The following MATN2 variants were observed in gnomAD, a reference collection of about 807,000 sequenced individuals.
The protein encoded by MATN2 is matrilin 2, also known as matrilin-2.
A neutral mutation model predicts 103.2 loss-of-function variants in MATN2; 69 were observed. That is an observed-to-expected ratio of 0.67 (90% CI 0.55 to 0.82). MATN2 has a LOEUF of 0.82. MATN2 is among the 40% of genes least tolerant of loss of function. The probability of loss-of-function intolerance (pLI) is 0.00; values close to 1 mark genes in which losing one functional copy is unlikely to be tolerated. For missense variants in MATN2, 1,023 were observed against 1,211.5 expected (o/e 0.84, Z 2.31); for synonymous variants, 429 against 450.2 (o/e 0.95, Z 0.60).
At chr8:97,886,707 C>G (rs533738167) in intron 1 of MATN2, among the ~76,000 whole-genome samples, 1 of 152,184 alleles carries the variant, frequency 6.6e-6, no homozygotes, top group African/African-American at 2.4e-5. Flanking sequence ...GCTGAACAAA[C>G]AGTTCGCTGA....
intron 5 of MATN2, among the ~76,000 whole-genome samples, chr8:97,972,131 G>A (rs371602387): frequency 4.0e-5 from 6 of 151,412 alleles, no homozygotes; most frequent in African/African-American, 1.2e-4. Context: ...AAGGAGATAT[G>A]TGCCACCACC....
intron 2 of MATN2, among the ~76,000 whole-genome samples, chr8:97,890,599 C>T (rs1818596589): frequency 6.6e-6 from 1 of 151,908 alleles, no homozygotes; most frequent in Non-Finnish European, 1.5e-5. Flanking sequence ...AATGGAAAAG[C>T]ATGCTCATTG....
rs900840226 is a variant in MATN2 at position 98,030,519 on chromosome 8, T to C, written c.2414T>C (p.Ile805Thr). The C allele has an allele frequency of 5.0e-6, 8 of 1,613,742 alleles. No individual in the cohort carries two copies. Among genetic ancestry groups the C allele is most frequent in the Admixed American group, 1.7e-5 (1 of 59,994 alleles). ...GKAIEEELQE[I>T]ASEPTNKHLF... ...GCCATTGAGGAGGAACTACAAGAGATTGCCTCTGAGCCCACAAACAAGCAT... is the reference window on the plus strand; with the variant it reads ...GCCATTGAGGAGGAACTACAAGAGACTGCCTCTGAGCCCACAAACAAGCAT... The change falls in exon 15 of 19, where the codon ATT (isoleucine) becomes ACT (threonine). Residue 805 changes from isoleucine to threonine, a missense_variant. Physicochemically the swap from Ile to Thr is moderately conservative, Grantham distance 89. Transcript: ENST00000254898.
rs540336108 is a variant in MATN2 at position 98,005,502 on chromosome 8, A to T, written c.1328-1603A>T. On this transcript the variant is annotated intron_variant, in intron 8 of 18. Transcript: ENST00000254898. This position sits in a 1 kb window ranked among gnomAD's most constrained non-coding sequence, Gnocchi z 4.6. ...ACATGGCTTGACTGCCCCTCCCAGC[A>T]TGCTTCCGGGGGCCAGAAGAGCTCT... Among the ~76,000 whole-genome samples the T allele has an allele frequency of 3.3e-5, 5 of 152,248 alleles. No homozygotes were observed. In the East Asian group the frequency reaches 9.7e-4, roughly 29 times the overall value.
intron 3 of MATN2, among the ~76,000 whole-genome samples, chr8:97,938,385 G>C (rs991513349): frequency 6.6e-6 from 1 of 152,220 alleles, no homozygotes; most frequent in Non-Finnish European, 1.5e-5. Context: ...TTGAGGGGAT[G>C]GGAATCGTTA....
intron 5 of MATN2, among the ~76,000 whole-genome samples, chr8:97,973,161 G>T (rs935633289): frequency 1.3e-5 from 2 of 152,158 alleles, no homozygotes; most frequent in African/African-American, 4.8e-5. Context: ...CTCATCTGCC[G>T]TCTCCAGAAG....
Position 98,020,964 on chromosome 8 carries a change from T to TAGTA in MATN2, c.1820-237_1820-234dup, listed in dbSNP as rs1336866374. ...AGCTAAAGCACATCTAATAATAGGA[T>TAGTA]AGTAAGTCAAGGACACCTAATCACC... On this transcript the variant is annotated intron_variant, in intron 12 of 18. Coordinates refer to ENST00000254898, the MANE Select transcript of MATN2 (RefSeq NM_002380.5). 4 of 356,004 alleles carry TAGTA rather than the reference T, an allele frequency of 1.1e-5. No homozygotes were observed. In the East Asian group the frequency reaches 2.3e-4, roughly 21 times the overall value. The allele number at this position is 356,004 out of a possible 1,614,324, so 22.1% of individuals were successfully genotyped here.
intron 5 of MATN2, among the ~76,000 whole-genome samples, chr8:97,970,186 G>A (rs932145716): frequency 2.0e-5 from 3 of 152,312 alleles, no homozygotes; most frequent in Middle Eastern, 6.8e-3. Context: ...CACGTTAAGG[G>A]GAGGTTTATG....
intron 5 of MATN2, among the ~76,000 whole-genome samples, chr8:97,968,638 G>A (rs1586103892): frequency 6.6e-6 from 1 of 152,176 alleles, no homozygotes; most frequent in Non-Finnish European, 1.5e-5. Flanking sequence ...CATAGAATTG[G>A]TGACCTTTAC....
chr8:97,882,822 T>C (rs1177190958), intron 1 of MATN2, among the ~76,000 whole-genome samples: 1 of 152,224 alleles, frequency 6.6e-6, no homozygotes, highest in African/African-American at 2.4e-5. Flanking sequence ...TTCAATTTTA[T>C]CTATTCCAGC....
At position 97,931,249 on chromosome 8, in the gene MATN2, G is replaced by A. The variant is rs771553300; in HGVS notation, c.439G>A (p.Ala147Thr). ...GLAIQYALNI[A>T]FSEAEGARPL... ...GGCCATCCAGTATGCCCTGAACATC[G>A]CATTCTCAGAAGCAGAGGGGGCCCG... The change falls in exon 3 of 19, where the codon GCA becomes ACA. Residue 147 changes from alanine to threonine, a missense_variant. Physicochemically the swap from Ala to Thr is moderately conservative, Grantham distance 58. Transcript: ENST00000254898. This position sits in a 1 kb window ranked among gnomAD's most constrained non-coding sequence, Gnocchi z 4.1. 7.2e-5 allele frequency: 116 copies of A among 1,613,724 alleles called. No homozygotes were observed. Among genetic ancestry groups the A allele is most frequent in the Middle Eastern group, 1.6e-4 (1 of 6,084 alleles).
chr8:97,916,306 G>A (rs894984053), intron 2 of MATN2, among the ~76,000 whole-genome samples: 4 of 152,144 alleles, frequency 2.6e-5, no homozygotes, highest in Admixed American at 6.6e-5. Context: ...CTGGCCTCAC[G>A]TGATCTGCCC....
intron 2 of MATN2, among the ~76,000 whole-genome samples, chr8:97,893,092 G>T (rs1358081968): frequency 6.6e-6 from 1 of 152,186 alleles, no homozygotes; most frequent in African/African-American, 2.4e-5. Context: ...GCTTTAAGCA[G>T]TCAACAGTGG....
At chr8:97,928,312 C>T (rs1290140586) in intron 2 of MATN2, among the ~76,000 whole-genome samples, 5 of 149,894 alleles carry the variant, frequency 3.3e-5, no homozygotes, top group East Asian at 2.0e-4. Context: ...CTGCAACCTC[C>T]GCCTCCTGGG....
intron 2 of MATN2, among the ~76,000 whole-genome samples, chr8:97,928,113 C>A (rs1810052668): frequency 6.6e-6 from 1 of 152,148 alleles, no homozygotes; most frequent in Non-Finnish European, 1.5e-5. Flanking sequence ...AATGCTCCCC[C>A]TTGTCCTCCT....
chr8:97,972,321 A>C (rs7018411), intron 5 of MATN2, among the ~76,000 whole-genome samples: 17,586 of 145,914 alleles, frequency 0.12, 1,188 homozygotes, highest in Admixed American at 0.22. Flanking sequence ...CCTGGGCGAC[A>C]GAATGAGACC....
chr8:97,941,793 C>T lies in MATN2; in HGVS notation c.729C>T (p.Ser243=), dbSNP rs1312140432. ...QKKLCTAHMC[S]TLEHNCAHFC... ...CCCTTTCAGCGGCCCATATGTGCAG[C>T]ACCCTGGAGCATAACTGTGCCCACT... The change falls in exon 4 of 19, where the codon AGC becomes AGT. Residue 243 remains serine, a synonymous_variant. Coordinates refer to ENST00000254898, the MANE Select transcript of MATN2 (RefSeq NM_002380.5). The T allele has an allele frequency of 6.2e-7, 1 of 1,601,954 alleles. No individual in the cohort carries two copies. The highest frequency in any genetic ancestry group is 8.5e-7 in the Non-Finnish European group (1 of 1,174,256).
chr8:97,995,907 C>A (rs2130359291), intron 7 of MATN2, among the ~76,000 whole-genome samples: 1 of 152,240 alleles, frequency 6.6e-6, no homozygotes, highest in South Asian at 2.1e-4. Context: ...AATGTGAAAA[C>A]AATTAGATAA....
chr8:98,030,536 A>G lies in MATN2; in HGVS notation c.2431A>G (p.Asn811Asp). The stretch of plus-strand genomic sequence containing the variant: ...ACAAGAGATTGCCTCTGAGCCCACA[A>G]ACAAGCATCTCTTCTATGCCGAAGA... The part of the protein sequence containing the change: ...ELQEIASEPT[N>D]KHLFYAEDFS... The change falls in exon 15 of 19, where the codon AAC becomes GAC. Residue 811 changes from asparagine (N) to aspartate (D), a missense_variant. By Grantham distance (23) the Asn-to-Asp change is conservative. Coordinates refer to ENST00000254898, the MANE Select transcript of MATN2 (RefSeq NM_002380.5). The G allele has an allele frequency of 6.2e-7, 1 of 1,613,992 alleles. No homozygotes were observed. Among genetic ancestry groups the G allele is most frequent in the South Asian group, 1.1e-5 (1 of 91,086 alleles).
Sources: gnomAD v4.1 joint callset for allele counts (sites outside exome capture counted in the v4.1 genomes callset) on GRCh38, gnomAD v4.1.1 for gene constraint, Gnocchi (gnomAD v3.1) non-coding constraint, MANE v1.5 for transcripts, NCBI Gene and HGNC (gene_info 2026-07-23, HGNC 2026-07-21) for gene names.